The following KIAA0319L variants were observed in gnomAD, a reference collection of about 807,000 sequenced individuals.
The protein encoded by KIAA0319L is KIAA0319 like.
In KIAA0319L, 55 loss-of-function variants were observed where a neutral mutation model predicts 120.1. That is an observed-to-expected ratio of 0.46 (90% confidence interval 0.37 to 0.57). KIAA0319L has a LOEUF of 0.57. Among genes scored for constraint, KIAA0319L ranks in the 20% least tolerant of loss-of-function variants. The pLI, the probability that KIAA0319L is intolerant of heterozygous loss-of-function variation, is 0.00. For synonymous variants in KIAA0319L, 398 were observed against 471.9 expected (o/e 0.84, Z 2.03); for missense variants, 1,049 against 1,255.3 (o/e 0.84, Z 2.48).
At chr1:35,441,249 G>A (rs1481515685) in intron 19 of KIAA0319L, 111 bp from the exon 20 acceptor site, 6 of 837,840 alleles carry the variant, frequency 7.2e-6, no homozygotes, top group Non-Finnish European at 1.2e-5. Context: ...CTACTGAGAG[G>A]GGTGTCCTCT....
intron 16 of KIAA0319L, among the ~76,000 whole-genome samples, chr1:35,447,237 TAAA>T (rs34645390): frequency 6.1e-4 from 84 of 138,070 alleles, no homozygotes; most frequent in African/African-American, 2.2e-3. Flanking sequence ...GATCTTTCTT[TAAA>T]AAAAAAAAAA....
At chr1:35,538,694 G>T (rs1646678218) in intron 2 of KIAA0319L, among the ~76,000 whole-genome samples, 1 of 151,454 alleles carries the variant, frequency 6.6e-6, no homozygotes, top group African/African-American at 2.4e-5. Flanking sequence ...AATATTAGGA[G>T]AATGTAATCT....
intron 2 of KIAA0319L, among the ~76,000 whole-genome samples, chr1:35,531,616 T>C (rs2148469541): frequency 6.6e-6 from 1 of 152,288 alleles, no homozygotes; most frequent in South Asian, 2.1e-4. Context: ...AAGCACTCTC[T>C]CGTGGCTAGG....
chr1:35,454,617 T>G, intron 10 of KIAA0319L, 132 bp from the exon 11 acceptor site: 3 of 1,446,174 alleles, frequency 2.1e-6, no homozygotes, highest in Non-Finnish European at 2.7e-6. Context: ...TACGTACCAG[T>G]TCAGCATGTG....
chr1:35,460,324 G>A lies in KIAA0319L; in HGVS notation c.1408C>T (p.Pro470Ser). The A allele has an allele frequency of 6.2e-7, 1 of 1,612,312 alleles. No individual in the cohort carries two copies. Among genetic ancestry groups the A allele is most frequent in the Non-Finnish European group, 8.5e-7 (1 of 1,179,308 alleles). ...ATTTACCTGAAAGTGTAGTTCCCAG[G>A]GACGAGTTTACTTAGTTTTAATATG... is the stretch of plus-strand genomic sequence containing the variant. ...TAILKLSKLV[P>S]GNYTFSLTVV... Residue 470 changes from proline to serine, a missense_variant, in exon 9 of 21, where the codon CCT (proline) becomes TCT (serine). Transcript: ENST00000325722.
intron 5 of KIAA0319L, among the ~76,000 whole-genome samples, chr1:35,473,008 T>A (rs1353671560): frequency 1.3e-5 from 2 of 148,902 alleles, no homozygotes; most frequent in African/African-American, 2.5e-5. Flanking sequence ...CTTGAACTCC[T>A]GACCTCAGGT....
intron 8 of KIAA0319L, among the ~76,000 whole-genome samples, chr1:35,461,550 A>C (rs912941832): frequency 6.6e-6 from 1 of 152,240 alleles, no homozygotes; most frequent in Admixed American, 6.5e-5. Flanking sequence ...TTGTGTAAAC[A>C]CAAGACAGAA....
intron 2 of KIAA0319L, among the ~76,000 whole-genome samples, chr1:35,523,765 T>C (rs1646017837): frequency 6.6e-6 from 1 of 151,952 alleles, no homozygotes; most frequent in Non-Finnish European, 1.5e-5. Flanking sequence ...TGAATGGCCA[T>C]GGCCTGCAGA....
chr1:35,529,214 C>T (rs187765364), intron 2 of KIAA0319L, among the ~76,000 whole-genome samples: 19 of 152,258 alleles, frequency 1.2e-4, no homozygotes, highest in African/African-American at 3.9e-4. Context: ...CAGTCCATAT[C>T]CTTTAAGTGG....
At position 35,442,231 on chromosome 1, in the gene KIAA0319L, G is replaced by C. The variant is rs1231129292; in HGVS notation, c.2870+15C>G. 7 of 1,590,750 alleles carry C rather than the reference G, an allele frequency of 4.4e-6. No homozygotes were observed. In the Admixed American group the frequency reaches 1.0e-4, roughly 23 times the overall value. ...CAAGAAGCCCGAATGAATTTCAAAG[G>C]AAAATCCATCTTACCTCTTACAACA... On this transcript the variant is annotated intron_variant, in intron 19 of 20. Coordinates refer to ENST00000325722, the MANE Select transcript of KIAA0319L (RefSeq NM_024874.5).
intron 2 of KIAA0319L, among the ~76,000 whole-genome samples, chr1:35,536,611 T>G (rs973653627): frequency 2.6e-5 from 4 of 152,218 alleles, no homozygotes; most frequent in African/African-American, 9.6e-5. Flanking sequence ...CTATCACAAT[T>G]CTAATGCCTT....
chr1:35,548,841 T>C (rs921138115), intron 2 of KIAA0319L, among the ~76,000 whole-genome samples: 1 of 152,168 alleles, frequency 6.6e-6, no homozygotes, highest in Non-Finnish European at 1.5e-5. Context: ...TTCTTCTATA[T>C]ACCAGGCTGT....
intron 20 of KIAA0319L, chr1:35,438,694 T>C (rs943114659): frequency 1.3e-5 from 2 of 151,826 alleles, no homozygotes; most frequent in African/African-American, 4.8e-5. Context: ...AGTTGTCTTT[T>C]TAAAATATAA....
intron 20 of KIAA0319L, among the ~76,000 whole-genome samples, chr1:35,436,454 G>A (rs530710427): frequency 1.3e-5 from 2 of 152,174 alleles, no homozygotes; most frequent in Non-Finnish European, 2.9e-5. Context: ...TGACCGCCAG[G>A]ACATCTCCAG....
At position 35,441,010 on chromosome 1, in the gene KIAA0319L, G is replaced by A. The variant is rs374372036; in HGVS notation, c.2962+37C>T. The A allele has an allele frequency of 1.5e-5, 23 of 1,506,824 alleles. No individual in the cohort carries two copies. The African/African-American group carries it at 2.6e-4, about 17-fold the overall frequency. The allele number at this position is 1,506,824 out of a possible 1,614,324, so 93.3% of individuals were successfully genotyped here. Reference sequence around the variant, plus strand: ...GACAGCAGCCTTCCACAGAGAGAGTGCACAGACCTAGAAGCTCTGGCACCC... The same window carrying A: ...GACAGCAGCCTTCCACAGAGAGAGTACACAGACCTAGAAGCTCTGGCACCC... On this transcript the variant is annotated intron_variant, in intron 20 of 20. Transcript: ENST00000325722.
chr1:35,531,040 G>T (rs1646346822), intron 2 of KIAA0319L, among the ~76,000 whole-genome samples: 1 of 152,230 alleles, frequency 6.6e-6, no homozygotes, highest in Admixed American at 6.5e-5. Flanking sequence ...GCTGCTGTCT[G>T]TAATAGTCAC....
intron 3 of KIAA0319L, among the ~76,000 whole-genome samples, chr1:35,497,358 C>T (rs1237881540): frequency 6.6e-6 from 1 of 151,902 alleles, no homozygotes; most frequent in Non-Finnish European, 1.5e-5. Context: ...TAAATTATAC[C>T]TCAATAAAGT....
At chr1:35,455,088 A>G (rs1361715905) in intron 10 of KIAA0319L, among the ~76,000 whole-genome samples, 2 of 152,242 alleles carry the variant, frequency 1.3e-5, no homozygotes, top group Admixed American at 6.5e-5. Context: ...ATTTTGGGCA[A>G]ACTTCCAATG....
At chr1:35,482,059 C>T (rs557074402) in intron 3 of KIAA0319L, among the ~76,000 whole-genome samples, 5 of 152,044 alleles carry the variant, frequency 3.3e-5, no homozygotes, top group Admixed American at 6.5e-5. Context: ...CTCCTGACCT[C>T]GTGATCCACC....
Sources: allele counts gnomAD v4.1 joint callset (sites outside exome capture counted in the v4.1 genomes callset), GRCh38; gene constraint gnomAD v4.1.1; transcripts MANE v1.5; gene names NCBI Gene and HGNC (gene_info 2026-07-23, HGNC 2026-07-21).